The following NT5C2 variants were observed in gnomAD, a reference collection of about 807,000 sequenced individuals.
NT5C2 encodes 5'-nucleotidase, cytosolic II, also known as cytosolic purine 5'-nucleotidase.
Under a neutral mutation model 76.1 loss-of-function variants are expected in NT5C2, and 58 were observed. The ratio of observed to expected loss-of-function variants is 0.76; its 90% CI spans 0.62 to 0.95. NT5C2 has a LOEUF of 0.95. Ranked by LOEUF, NT5C2 falls within the 40% of genes least tolerant of loss-of-function variation. The pLI, the probability that NT5C2 is intolerant of heterozygous loss-of-function variation, is 0.00. For missense variants in NT5C2, 478 were observed against 690.3 expected, an observed-to-expected ratio of 0.69 and a Z score of 3.45; for synonymous variants, 229 against 237.4, an observed-to-expected ratio of 0.96 and a Z score of 0.32.
At chr10:103,145,119 T>C (rs1565173339) in intron 3 of NT5C2, among the ~76,000 whole-genome samples, 1 of 152,176 alleles carries the variant, frequency 6.6e-6, no homozygotes, top group Non-Finnish European at 1.5e-5. Flanking sequence ...AATGGCAAAA[T>C]AGAACAGCTG....
At chr10:103,183,488 C>T (rs1013253119) in intron 1 of NT5C2, among the ~76,000 whole-genome samples, 2 of 144,954 alleles carry the variant, frequency 1.4e-5, no homozygotes, top group East Asian at 4.0e-4. Flanking sequence ...TCTTCTACTG[C>T]AAAAATAATT....
chr10:103,186,553 GAATT>G (rs1308418441), intron 1 of NT5C2, among the ~76,000 whole-genome samples: 9 of 152,208 alleles, frequency 5.9e-5, no homozygotes, highest in Non-Finnish European at 2.9e-5. Context: ...GACCTAGAGA[GAATT>G]AATTCAAGAT....
rs1355983092 is a variant in NT5C2 at position 103,105,804 on chromosome 10, A to G, written c.294-3T>C. ...ACAGTGTGTCAAAGACAAGTCCCCT[A>G]TGTGAAAATGAAGACATTATTGATA... On this transcript the variant is annotated splice_region_variant and splice_polypyrimidine_tract_variant and intron_variant, in intron 5 of 18. Coordinates refer to ENST00000404739, the MANE Select transcript of NT5C2 (RefSeq NM_001351169.2). 1 of 1,600,220 alleles carries G rather than the reference A, an allele frequency of 6.2e-7. No homozygotes were observed. Among genetic ancestry groups the G allele is most frequent in the South Asian group, 1.1e-5 (1 of 90,772 alleles).
At chr10:103,091,440 G>A (rs960395623) in intron 16 of NT5C2, 124 bp downstream of exon 16, 92 of 723,424 alleles carry the variant, frequency 1.3e-4, no homozygotes, top group Non-Finnish European at 1.8e-4. Context: ...CCATTTCCCC[G>A]GTTCAAACGA....
chr10:103,160,119 G>A (rs1280856025), intron 3 of NT5C2, among the ~76,000 whole-genome samples: 1 of 152,096 alleles, frequency 6.6e-6, no homozygotes, highest in Non-Finnish European at 1.5e-5. Context: ...ACTTGACATG[G>A]GTGCCAAGAC....
chr10:103,096,306 C>A (rs1484110816), intron 11 of NT5C2, among the ~76,000 whole-genome samples: 1 of 152,166 alleles, frequency 6.6e-6, no homozygotes, highest in Non-Finnish European at 1.5e-5. Flanking sequence ...AATAACCTAT[C>A]ACCTTGGCTT....
Position 103,090,619 on chromosome 10 carries a change from G to A in NT5C2, c.1441C>T (p.His481Tyr). ...YPFSYLFRAA[H>Y]VLMPHESTVE... Reference sequence around the variant, plus strand: ...TTACAGCTTTAACTCACCAAGACATGGGCAGCCCTGAAGAGGTAGCTGAAA... The same window carrying A: ...TTACAGCTTTAACTCACCAAGACATAGGCAGCCCTGAAGAGGTAGCTGAAA... Residue 481 changes from histidine to tyrosine, a missense_variant, in exon 18 of 19, where the codon CAT becomes TAT. Physicochemically the swap from His to Tyr is moderately conservative, Grantham distance 83 (BLOSUM62 2). Coordinates refer to ENST00000404739, the MANE Select transcript of NT5C2 (RefSeq NM_001351169.2). The A allele has an allele frequency of 6.2e-7, 1 of 1,613,216 alleles. No individual in the cohort carries two copies. The highest frequency in any genetic ancestry group is 8.5e-7 in the Non-Finnish European group (1 of 1,179,532).
chr10:103,091,493 G>T, intron 16 of NT5C2, 71 bp downstream of exon 16: 1 of 1,229,000 alleles, frequency 8.1e-7, no homozygotes, highest in Non-Finnish European at 1.2e-6. Flanking sequence ...TTACTGGCCT[G>T]GAAAGAACAT....
At chr10:103,175,032 C>A in intron 2 of NT5C2, 50 bp from the exon 3 acceptor site, 1 of 1,027,362 alleles carries the variant, frequency 9.7e-7, no homozygotes, top group Non-Finnish European at 1.5e-6. Flanking sequence ...CATCTGTATA[C>A]TGACATCTGA....
intron 4 of NT5C2, among the ~76,000 whole-genome samples, chr10:103,132,798 C>A (rs552068586): frequency 1.6e-3 from 247 of 152,196 alleles, no homozygotes; most frequent in African/African-American, 5.8e-3. Flanking sequence ...GATCTGCCTG[C>A]CTCGGTCTCC....
At chr10:103,146,769 C>T (rs1046851764) in intron 3 of NT5C2, among the ~76,000 whole-genome samples, 1 of 152,166 alleles carries the variant, frequency 6.6e-6, no homozygotes, top group East Asian at 1.9e-4. Flanking sequence ...TCCAATCTTC[C>T]ATTCAATTCA....
chr10:103,099,434 G>GA (rs1170828068), intron 9 of NT5C2, among the ~76,000 whole-genome samples: 1 of 152,046 alleles, frequency 6.6e-6, no homozygotes, highest in Non-Finnish European at 1.5e-5. Flanking sequence ...GAGAAGGCCA[G>GA]AAAAAAGTAG....
intron 4 of NT5C2, chr10:103,111,719 G>A: frequency 8.1e-7 from 1 of 1,228,242 alleles, no homozygotes; most frequent in East Asian, 3.2e-5. Flanking sequence ...GCCTAGCAGA[G>A]TGCTGCTGCC....
chr10:103,094,320 A>G (rs1188400513), intron 13 of NT5C2, 28 bp downstream of exon 13: 18 of 1,360,642 alleles, frequency 1.3e-5, no homozygotes, highest in Non-Finnish European at 1.6e-5. Context: ...ACAATGTGCT[A>G]GCAAGACAGA....
chr10:103,096,007 C>A (rs754726386), intron 11 of NT5C2, 27 bp from the exon 12 acceptor site: 1 of 1,577,294 alleles, frequency 6.3e-7, no homozygotes, highest in South Asian at 1.1e-5. Context: ...AACATAAGGT[C>A]CATATACTAC....
At chr10:103,091,098 G>T in intron 16 of NT5C2, 102 bp from the exon 17 acceptor site, 1 of 1,021,942 alleles carries the variant, frequency 9.8e-7, no homozygotes, top group Non-Finnish European at 1.5e-6. Flanking sequence ...GCAGGGGTGT[G>T]ATCGCGGCTC....
intron 1 of NT5C2, among the ~76,000 whole-genome samples, chr10:103,184,885 T>A (rs184067366): frequency 8.5e-5 from 13 of 152,352 alleles, no homozygotes; most frequent in African/African-American, 3.1e-4. Flanking sequence ...GCAGTACCTG[T>A]TGCCTTGACA....
chr10:103,101,206 C>G, intron 7 of NT5C2, 29 bp downstream of exon 7: 1 of 1,454,422 alleles, frequency 6.9e-7, no homozygotes, highest in Non-Finnish European at 9.7e-7. Flanking sequence ...GGGAAAGCAT[C>G]AGTATAAATA....
chr10:103,127,453 C>T (rs957285172), intron 4 of NT5C2, among the ~76,000 whole-genome samples: 30 of 152,116 alleles, frequency 2.0e-4, no homozygotes, highest in African/African-American at 7.0e-4. Flanking sequence ...ATATTTGTGG[C>T]ATTAGGCTGG....
Sources: gnomAD v4.1 joint callset for allele counts (sites outside exome capture counted in the v4.1 genomes callset) on GRCh38, gnomAD v4.1.1 for gene constraint, MANE v1.5 for transcripts, NCBI Gene and HGNC (gene_info 2026-07-23, HGNC 2026-07-21) for gene names.